Variants in CD99 observed in about 807,000 individuals in gnomAD.
CD99 encodes CD99 molecule (Xg blood group).
Under a neutral mutation model 28.4 loss-of-function variants are expected in CD99, and 19 were observed. The observed-to-expected ratio is 0.67, with a 90% CI of 0.47 to 0.98. The LOEUF (loss-of-function observed/expected upper bound fraction) is 0.98, where lower values mean the gene tolerates loss of function less well. CD99 is among the 50% of genes least tolerant of loss of function. CD99 has a pLI of 0.00. For missense variants in CD99, 283 were observed against 248.8 expected (o/e 1.14, Z -0.92); for synonymous variants, 103 against 92.1 (o/e 1.12, Z -0.67).
intron 1 of CD99, among the ~76,000 whole-genome samples, chrX:2,699,180 C>CT (rs1366185623): frequency 2.7e-5 from 4 of 147,696 alleles, no homozygotes; most frequent in South Asian, 2.2e-4. Flanking sequence ...TCTTCTTCTT[C>CT]TTTTTTTTAG....
intron 9 of CD99, among the ~76,000 whole-genome samples, chrX:2,740,148 G>A (rs2050134242): frequency 6.6e-6 from 1 of 151,944 alleles, no homozygotes; most frequent in Admixed American, 6.6e-5. Flanking sequence ...CTGCTCTTTC[G>A]AGTCAGGGAA....
intron 4 of CD99, 104 bp from the exon 5 acceptor site, chrX:2,720,252 C>A (rs147856128): frequency 1.2e-4 from 126 of 1,025,498 alleles, no homozygotes; most frequent in East Asian, 5.0e-4. Context: ...AGGACAAAGG[C>A]CAAGGTCCAA....
At chrX:2,714,377 T>G (rs1442542203) in intron 1 of CD99, 45 bp from the exon 2 acceptor site, 7 of 1,454,262 alleles carry the variant, frequency 4.8e-6, no homozygotes, top group Non-Finnish European at 6.7e-6. Flanking sequence ...TCAAATTTAT[T>G]TTTATTTTTC....
In CD99 at chrX:2,691,328, T is replaced by C; in HGVS notation, c.-33T>C. On this transcript the variant is annotated 5_prime_UTR_variant, in exon 1 of 10. Coordinates refer to ENST00000381192, the MANE Select transcript of CD99 (RefSeq NM_002414.5). ...TGCCGCCTTCGCCCACGCCCTGCACTCCGGGACCGTCCCTGCGCGCTCTGG... is the reference window on the plus strand; with the variant it reads ...TGCCGCCTTCGCCCACGCCCTGCACCCCGGGACCGTCCCTGCGCGCTCTGG... 1 of 1,530,182 alleles carries C rather than the reference T, an allele frequency of 6.5e-7. No homozygotes were observed. Among genetic ancestry groups the C allele is most frequent in the South Asian group, 1.2e-5 (1 of 83,372 alleles). 94.8% of individuals were successfully genotyped at this position (1,530,182 alleles called of 1,614,324 possible). A position where few individuals can be genotyped will look rare whatever the true frequency, so the allele number is the denominator to read the frequency against.
At chrX:2,729,725 C>T (rs1314952016) in intron 8 of CD99, among the ~76,000 whole-genome samples, 4 of 152,126 alleles carry the variant, frequency 2.6e-5, no homozygotes, top group African/African-American at 9.7e-5. Context: ...TTTCCTCTAC[C>T]TTATCCGCCC....
chrX:2,702,823 C>T (rs372929331), intron 1 of CD99, among the ~76,000 whole-genome samples: 5 of 151,922 alleles, frequency 3.3e-5, no homozygotes, highest in African/African-American at 9.7e-5. Flanking sequence ...CCTCTTTCGC[C>T]AAGGCTGGAG....
intron 8 of CD99, among the ~76,000 whole-genome samples, chrX:2,728,012 A>G (rs1341381077): frequency 6.6e-6 from 1 of 152,118 alleles, no homozygotes; most frequent in East Asian, 1.9e-4. Context: ...TCATTCCAGC[A>G]TTTGACATCC....
chrX:2,696,071 G>A (rs5982572), intron 1 of CD99, among the ~76,000 whole-genome samples: 39,382 of 152,234 alleles, frequency 0.26, 6,699 homozygotes, highest in Middle Eastern at 0.4. Flanking sequence ...AGTTTTCAAG[G>A]AAGTGGCTTG....
chrX:2,720,298 G>A, intron 4 of CD99, 58 bp from the exon 5 acceptor site: 1 of 1,505,490 alleles, frequency 6.6e-7, no homozygotes, highest in Non-Finnish European at 9.3e-7. Context: ...GTAAACTGAT[G>A]TTTCATTTTC....
rs1446174606 is a variant in CD99 at position 2,717,587 on chromosome X, A to C, written c.101-18A>C. On this transcript the variant is annotated intron_variant, in intron 2 of 9. Transcript: ENST00000381192. ...CCCAGCTGCAACTTTTACTAACTGA[A>C]ATATCTTATCTCTTTAGACAATGAA... 6.2e-7 allele frequency: 1 copy of C among 1,608,836 alleles called. No individual in the cohort carries two copies. The highest frequency in any genetic ancestry group is 1.1e-5 in the South Asian group (1 of 90,950).
At chrX:2,711,722 A>G (rs1031820484) in intron 1 of CD99, among the ~76,000 whole-genome samples, 2 of 152,138 alleles carry the variant, frequency 1.3e-5, no homozygotes, top group African/African-American at 4.8e-5. Flanking sequence ...TATATTCACA[A>G]TGGAATGGTA....
intron 1 of CD99, among the ~76,000 whole-genome samples, chrX:2,705,886 C>G (rs1235428386): frequency 1.3e-5 from 2 of 152,074 alleles, no homozygotes; most frequent in African/African-American, 4.8e-5. Context: ...TCCTGCTATT[C>G]CCACACAGGA....
chrX:2,737,904 C>A, intron 8 of CD99: 1 of 589,510 alleles, frequency 1.7e-6, no homozygotes, highest in Non-Finnish European at 3.1e-6. Context: ...GTGCGTGTTC[C>A]TCAGTGTTTA....
rs755461615 is a variant in CD99 at position 2,720,404 on chromosome X, C to G, written c.242C>G (p.Pro81Arg). ...CCCAAACCGATGCCAAATCCAAACC[C>G]CAACCACCCTAGTTCCTCCGGTAAG... The part of the protein sequence containing the change: ...NPPKPMPNPN[P>R]NHPSSSGSFS... The change falls in exon 5 of 10, where the codon CCC (proline) becomes CGC (arginine). Residue 81 changes from proline to arginine, a missense_variant. By Grantham distance (103) the Pro-to-Arg change is moderately radical (BLOSUM62 -2). Transcript: ENST00000381192. 2 of 1,613,680 alleles carry G rather than the reference C, an allele frequency of 1.2e-6. No individual in the cohort carries two copies. The highest frequency in any genetic ancestry group is 1.3e-5 in the African/African-American group (1 of 74,868).
intron 1 of CD99, among the ~76,000 whole-genome samples, chrX:2,706,477 A>G (rs1422460382): frequency 1.3e-5 from 2 of 152,206 alleles, no homozygotes; most frequent in African/African-American, 4.8e-5. Flanking sequence ...CCTTTTCTAC[A>G]ATGTCCTGAA....
chrX:2,711,286 A>G (rs2048393085), intron 1 of CD99, among the ~76,000 whole-genome samples: 3 of 148,186 alleles, frequency 2.0e-5, no homozygotes, highest in South Asian at 4.2e-4. Flanking sequence ...TCGTATATAT[A>G]GTATGTATAT....
At chrX:2,710,408 C>G (rs2048339917) in intron 1 of CD99, among the ~76,000 whole-genome samples, 2 of 152,026 alleles carry the variant, frequency 1.3e-5, no homozygotes, top group South Asian at 4.1e-4. Flanking sequence ...TGTTTTGTTT[C>G]TTTAGTGACG....
chrX:2,708,036 C>T (rs2048204684), intron 1 of CD99, among the ~76,000 whole-genome samples: 1 of 152,100 alleles, frequency 6.6e-6, no homozygotes, highest in Admixed American at 6.5e-5. Flanking sequence ...GACTGATGAT[C>T]ATTGATTGGG....
At chrX:2,702,431 A>T (rs944956618) in intron 1 of CD99, among the ~76,000 whole-genome samples, 5 of 151,858 alleles carry the variant, frequency 3.3e-5, no homozygotes, top group Non-Finnish European at 7.4e-5. Flanking sequence ...AAAGACAATG[A>T]TATATTTTGG....
Sources: gnomAD v4.1 joint callset for allele counts (sites outside exome capture counted in the v4.1 genomes callset) on GRCh38, gnomAD v4.1.1 for gene constraint, MANE v1.5 for transcripts, NCBI Gene and HGNC (gene_info 2026-07-23, HGNC 2026-07-21) for gene names.